Variants in MAGI1 observed in about 807,000 individuals in gnomAD.
The protein encoded by MAGI1 is membrane associated guanylate kinase, WW and PDZ domain containing 1.
In MAGI1, 58 loss-of-function variants were observed where a neutral mutation model predicts 139.9. That is an observed-to-expected ratio of 0.41 (90% CI 0.34 to 0.52). The LOEUF (loss-of-function observed/expected upper bound fraction) is 0.52, where lower values mean the gene tolerates loss of function less well. Ranked by LOEUF, MAGI1 falls within the 20% of genes least tolerant of loss-of-function variation. The pLI is 0.12. For missense variants in MAGI1, 1,874 were observed against 1,901.6 expected (o/e 0.99, Z 0.27); for synonymous variants, 812 against 737.9 (o/e 1.10, Z -1.63).
chr3:65,448,691 AACACAT>A (rs1280696324), intron 6 of MAGI1, among the ~76,000 whole-genome samples: 4 of 57,650 alleles, frequency 6.9e-5, no homozygotes, highest in African/African-American at 1.2e-4. Flanking sequence ...TTTGTGAGAA[AACACAT>A]ACACACACAC....
At chr3:65,882,893 C>T (rs1011039770) in intron 1 of MAGI1, among the ~76,000 whole-genome samples, 2 of 134,788 alleles carry the variant, frequency 1.5e-5, no homozygotes, top group Non-Finnish European at 1.5e-5. Context: ...CATGATCACG[C>T]AACTGCATTT....
chr3:65,885,702 C>T (rs1304225615), intron 1 of MAGI1, among the ~76,000 whole-genome samples: 1 of 152,170 alleles, frequency 6.6e-6, no homozygotes, highest in Admixed American at 6.5e-5. Flanking sequence ...CCATGTAAGA[C>T]TTGACTTTGC....
At chr3:65,916,223 C>T (rs1335982410) in intron 1 of MAGI1, among the ~76,000 whole-genome samples, 1 of 152,024 alleles carries the variant, frequency 6.6e-6, no homozygotes, top group Non-Finnish European at 1.5e-5. Flanking sequence ...CATGCCACCA[C>T]ACCCAACCAG....
At chr3:65,997,090 C>A (rs1045811314) in intron 1 of MAGI1, among the ~76,000 whole-genome samples, 3 of 152,112 alleles carry the variant, frequency 2.0e-5, no homozygotes, top group African/African-American at 7.2e-5. Flanking sequence ...TATTTTGCCT[C>A]CAGCACTTTA....
intron 1 of MAGI1, among the ~76,000 whole-genome samples, chr3:65,746,601 C>A (rs1056247380): frequency 6.6e-6 from 1 of 152,098 alleles, no homozygotes; most frequent in South Asian, 2.1e-4. Flanking sequence ...CCGTCCTCTT[C>A]TTGGGTATCT....
intron 1 of MAGI1, among the ~76,000 whole-genome samples, chr3:65,700,748 A>G (rs1013472652): frequency 1.2e-4 from 19 of 152,242 alleles, no homozygotes; most frequent in East Asian, 1.2e-3. Flanking sequence ...CTCAAAGGAT[A>G]GAAAATGTGA....
At chr3:65,446,083 G>A (rs1285625395) in intron 7 of MAGI1, among the ~76,000 whole-genome samples, 1 of 152,080 alleles carries the variant, frequency 6.6e-6, no homozygotes, top group Admixed American at 6.6e-5. Flanking sequence ...GAACACATTT[G>A]GGCCATTTCT....
At chr3:65,428,226 A>T (rs1947208024) in intron 12 of MAGI1, among the ~76,000 whole-genome samples, 2 of 152,202 alleles carry the variant, frequency 1.3e-5, no homozygotes, top group Non-Finnish European at 2.9e-5. Flanking sequence ...TCTCTTTTCA[A>T]AAGGCCTGAA....
At chr3:65,875,078 G>C (rs1286993333) in intron 1 of MAGI1, 1 of 152,328 alleles carries the variant, frequency 6.6e-6, no homozygotes, top group Non-Finnish European at 1.5e-5. Context: ...ACAAACAATG[G>C]AATAAAGAAT....
intron 10 of MAGI1, 84 bp downstream of exon 10, chr3:65,437,071 C>A (rs771266934): frequency 1.2e-6 from 1 of 812,436 alleles, no homozygotes; most frequent in South Asian, 2.1e-5. Context: ...TTGGGAGTTA[C>A]GAGATTCCAC....
chr3:65,471,266 T>C (rs1034114063), intron 4 of MAGI1, among the ~76,000 whole-genome samples: 4 of 152,304 alleles, frequency 2.6e-5, no homozygotes, highest in African/African-American at 7.2e-5. Context: ...AATGGCATTA[T>C]TGACATTCTG....
At chr3:65,628,995 C>G (rs1356525022) in intron 1 of MAGI1, among the ~76,000 whole-genome samples, 1 of 152,046 alleles carries the variant, frequency 6.6e-6, no homozygotes. Flanking sequence ...TCCTTTAGCA[C>G]TTATTTATGG....
intron 5 of MAGI1, among the ~76,000 whole-genome samples, chr3:65,458,897 C>A (rs1949586220): frequency 6.6e-6 from 1 of 152,158 alleles, no homozygotes; most frequent in African/African-American, 2.4e-5. Flanking sequence ...TCCTGGAGAG[C>A]TTCCTCAATG....
chr3:65,845,923 C>T (rs1472677658), intron 1 of MAGI1, among the ~76,000 whole-genome samples: 1 of 152,212 alleles, frequency 6.6e-6, no homozygotes, highest in Non-Finnish European at 1.5e-5. Context: ...CAAAGCCTAT[C>T]AGATTCTTTT....
At chr3:65,861,217 G>A (rs140995186) in intron 1 of MAGI1, among the ~76,000 whole-genome samples, 14 of 152,324 alleles carry the variant, frequency 9.2e-5, no homozygotes, top group East Asian at 5.8e-4. Context: ...AAGTGGAAAC[G>A]TGGAGGCTGA....
chr3:65,821,894 T>C (rs1340383253), intron 1 of MAGI1, among the ~76,000 whole-genome samples: 1 of 152,212 alleles, frequency 6.6e-6, no homozygotes, highest in Non-Finnish European at 1.5e-5. Context: ...TTAGACACAC[T>C]AATAAACCCT....
At chr3:65,474,143 T>C (rs912522394) in intron 4 of MAGI1, among the ~76,000 whole-genome samples, 6 of 152,130 alleles carry the variant, frequency 3.9e-5, no homozygotes, top group African/African-American at 1.4e-4. Flanking sequence ...CACGTGTCCA[T>C]AGTCTCAGTT....
chr3:65,467,376 C>A (rs529466070), intron 5 of MAGI1, among the ~76,000 whole-genome samples: 1 of 152,080 alleles, frequency 6.6e-6, no homozygotes, highest in African/African-American at 2.4e-5. Context: ...GGAAGATATC[C>A]TAAAAAGAAG....
intron 1 of MAGI1, among the ~76,000 whole-genome samples, chr3:65,727,719 A>G (rs971904917): frequency 1.3e-5 from 2 of 152,232 alleles, no homozygotes; most frequent in Non-Finnish European, 2.9e-5. Flanking sequence ...ATGAGTAACT[A>G]TGAGTGTCTC....
Sources: gnomAD v4.1 joint callset for allele counts (sites outside exome capture counted in the v4.1 genomes callset) on GRCh38, gnomAD v4.1.1 for gene constraint, MANE v1.5 for transcripts, NCBI Gene and HGNC (gene_info 2026-07-23, HGNC 2026-07-21) for gene names.